Variants in CMTM8 observed in about 807,000 individuals in gnomAD.
CMTM8 encodes the protein CKLF like MARVEL transmembrane domain containing 8.
CMTM8 carries 12 observed loss-of-function variants against 18.6 expected under a neutral mutation model. The observed-to-expected ratio is 0.65, with a 90% CI of 0.41 to 1.05. The LOEUF (loss-of-function observed/expected upper bound fraction) is 1.05, where lower values mean the gene tolerates loss of function less well. Among genes scored for constraint, CMTM8 ranks in the 50% least tolerant of loss-of-function variants. The probability of loss-of-function intolerance (pLI) is 0.00; values close to 1 mark genes in which losing one functional copy is unlikely to be tolerated. For missense variants in CMTM8, 217 were observed against 227.2 expected, an observed-to-expected ratio of 0.95 and a Z score of 0.29; for synonymous variants, 87 against 90.6, an observed-to-expected ratio of 0.96 and a Z score of 0.23.
intron 1 of CMTM8, among the ~76,000 whole-genome samples, chr3:32,351,975 G>A (rs1470115211): frequency 2.6e-5 from 4 of 151,952 alleles, no homozygotes; most frequent in Admixed American, 6.6e-5. Flanking sequence ...TCAGGAATTC[G>A]AGACCAGCCC....
At chr3:32,323,912 G>A (rs1575176691) in intron 1 of CMTM8, among the ~76,000 whole-genome samples, 1 of 152,202 alleles carries the variant, frequency 6.6e-6, no homozygotes, top group African/African-American at 2.4e-5. Context: ...GATGTTAGCT[G>A]TTTCTCTTTT....
At chr3:32,295,427 G>C (rs1702855799) in intron 1 of CMTM8, among the ~76,000 whole-genome samples, 1 of 117,828 alleles carries the variant, frequency 8.5e-6, no homozygotes, top group Non-Finnish European at 1.6e-5. Context: ...CTGTGTTCCA[G>C]CCTGGGCAAT....
chr3:32,348,731 G>A (rs959353399), intron 1 of CMTM8, among the ~76,000 whole-genome samples: 1 of 151,574 alleles, frequency 6.6e-6, no homozygotes, highest in African/African-American at 2.4e-5. Flanking sequence ...GAACTCCTGG[G>A]CTCAAGCAGT....
At chr3:32,361,286 G>GTTTTTTTTTTGTT (rs58364646) in intron 2 of CMTM8, among the ~76,000 whole-genome samples, 2 of 87,230 alleles carry the variant, frequency 2.3e-5, no homozygotes, top group African/African-American at 4.0e-5. Context: ...CAGCCTAAGA[G>GTTTTTTTTTTGTT]TTTTTTTTTC....
At chr3:32,369,626 G>T (rs13317333) in intron 3 of CMTM8, among the ~76,000 whole-genome samples, 2 of 152,134 alleles carry the variant, frequency 1.3e-5, no homozygotes, top group African/African-American at 4.8e-5. Flanking sequence ...ATGCACTGCC[G>T]CCGTATTCAC....
At chr3:32,368,874 G>A (rs549342575) in intron 3 of CMTM8, among the ~76,000 whole-genome samples, 1 of 152,252 alleles carries the variant, frequency 6.6e-6, no homozygotes, top group East Asian at 1.9e-4. Context: ...CCTTAAAATA[G>A]CCCATCTCCA....
At chr3:32,366,845 A>G (rs1697047910) in intron 2 of CMTM8, among the ~76,000 whole-genome samples, 2 of 112,126 alleles carry the variant, frequency 1.8e-5, no homozygotes, top group East Asian at 3.8e-4. Context: ...CAGTTTCGGC[A>G]GCCTGACCCT....
chr3:32,304,548 A>G (rs58430307), intron 1 of CMTM8, among the ~76,000 whole-genome samples: 2,219 of 152,360 alleles, frequency 0.015, 45 homozygotes, highest in African/African-American at 0.051. Context: ...CTCAATCTAT[A>G]TGAACAAAAG....
rs766251787 is a variant in CMTM8 at position 32,238,957 on chromosome 3, C to A, written c.-16C>A. On this transcript the variant is annotated 5_prime_UTR_variant, in exon 1 of 4. Transcript: ENST00000307526. ...CGGGGTCCCTGGGGACGCGCCAGCCCGGCAGTGGCTCGACGATGGAGGAGC... is the reference window on the plus strand; with the variant it reads ...CGGGGTCCCTGGGGACGCGCCAGCCAGGCAGTGGCTCGACGATGGAGGAGC... The A allele has an allele frequency of 6.5e-7, 1 of 1,544,884 alleles. No homozygotes were observed. The highest frequency in any genetic ancestry group is 8.7e-7 in the Non-Finnish European group (1 of 1,144,322).
intron 1 of CMTM8, among the ~76,000 whole-genome samples, chr3:32,281,896 C>T (rs1181503654): frequency 6.6e-6 from 1 of 151,562 alleles, no homozygotes; most frequent in Non-Finnish European, 1.5e-5. Flanking sequence ...TCTTATCTCA[C>T]TGGATGTGTA....
At chr3:32,257,196 C>T (rs9867695) in intron 1 of CMTM8, among the ~76,000 whole-genome samples, 4,628 of 152,282 alleles carry the variant, frequency 0.03, 97 homozygotes, top group Non-Finnish European at 0.036. Flanking sequence ...CAGCTGGTCT[C>T]AAACTCCTGA....
chr3:32,356,256 G>A (rs577867692), intron 1 of CMTM8, among the ~76,000 whole-genome samples: 2 of 152,290 alleles, frequency 1.3e-5, no homozygotes, highest in Admixed American at 1.3e-4. Context: ...TTTGTCCTGA[G>A]TCACACAGCG....
intron 1 of CMTM8, among the ~76,000 whole-genome samples, chr3:32,324,794 T>C (rs796363775): frequency 3.9e-5 from 6 of 152,304 alleles, no homozygotes; most frequent in African/African-American, 1.4e-4. Context: ...TTTACACATA[T>C]GTGGGAGCCC....
chr3:32,364,868 T>A (rs996320352), intron 2 of CMTM8, among the ~76,000 whole-genome samples: 18 of 152,312 alleles, frequency 1.2e-4, no homozygotes, highest in Admixed American at 9.2e-4. Flanking sequence ...CCTCTGCCAC[T>A]GGGTGGGCCC....
chr3:32,348,401 A>G (rs1222164062), intron 1 of CMTM8, among the ~76,000 whole-genome samples: 6 of 152,080 alleles, frequency 3.9e-5, no homozygotes, highest in Non-Finnish European at 8.8e-5. Context: ...TGTGCTGGGT[A>G]CTTAGAGGAG....
intron 1 of CMTM8, among the ~76,000 whole-genome samples, chr3:32,319,015 AT>A (rs1020019046): frequency 1.4e-5 from 2 of 141,384 alleles, no homozygotes; most frequent in African/African-American, 5.2e-5. Context: ...ATTTTCCTTA[AT>A]TTTTTTGAAA....
At chr3:32,295,468 A>C (rs1346611072) in intron 1 of CMTM8, among the ~76,000 whole-genome samples, 2 of 142,010 alleles carry the variant, frequency 1.4e-5, no homozygotes, top group East Asian at 2.0e-4. Context: ...AAAAAAAAAA[A>C]AAAAAAAAAA....
intron 1 of CMTM8, among the ~76,000 whole-genome samples, chr3:32,297,504 A>G (rs9855334): frequency 0.3 from 46,110 of 151,706 alleles, 7,633 homozygotes; most frequent in Admixed American, 0.36. Flanking sequence ...TGATGAGGCT[A>G]TTCTTATCTG....
At chr3:32,247,433 G>A (rs1019969066) in intron 1 of CMTM8, among the ~76,000 whole-genome samples, 3 of 152,068 alleles carry the variant, frequency 2.0e-5, no homozygotes, top group Admixed American at 2.0e-4. Context: ...CTGCATCAGT[G>A]TCCTGAGTAG....
Sources: gnomAD v4.1 joint callset for allele counts (sites outside exome capture counted in the v4.1 genomes callset) on GRCh38, gnomAD v4.1.1 for gene constraint, MANE v1.5 for transcripts, NCBI Gene and HGNC (gene_info 2026-07-23, HGNC 2026-07-21) for gene names.